The following SLC4A10 variants were observed in gnomAD, a reference collection of about 807,000 sequenced individuals.
SLC4A10 encodes sodium-driven chloride bicarbonate exchanger.
A neutral mutation model predicts 137.7 loss-of-function variants in SLC4A10; 42 were observed. That is an observed-to-expected ratio of 0.30 (90% confidence interval 0.24 to 0.39). SLC4A10 has a LOEUF of 0.39. Ranked by LOEUF, SLC4A10 falls within the 10% of genes least tolerant of loss-of-function variation. SLC4A10 has a pLI of 1.00. For missense variants in SLC4A10, 925 were observed against 1,355.0 expected (o/e 0.68, Z 4.98); for synonymous variants, 474 against 464.1 (o/e 1.02, Z -0.27).
intron 12 of SLC4A10, among the ~76,000 whole-genome samples, chr2:161,901,594 C>T (rs1181034520): frequency 6.6e-6 from 1 of 152,048 alleles, no homozygotes; most frequent in African/African-American, 2.4e-5. Flanking sequence ...TTGGGTGGGT[C>T]TCTCTTCAGG....
chr2:161,921,993 T>C lies in SLC4A10; in HGVS notation c.1997+16106T>C, dbSNP rs534455186. On this transcript the variant is annotated intron_variant, in intron 15 of 26. Coordinates refer to ENST00000446997, the MANE Select transcript of SLC4A10 (RefSeq NM_001178015.2). Reference sequence around the variant, plus strand: ...GCCTGCTATGGGCCAGGTGCTTGCTTAAAAAAAATGAATGCATAGACAGGA... The same window carrying C: ...GCCTGCTATGGGCCAGGTGCTTGCTCAAAAAAAATGAATGCATAGACAGGA... 3.3e-5 allele frequency among the ~76,000 whole-genome samples: 5 copies of C among 152,104 alleles called. No individual in the cohort carries two copies. The South Asian group carries it at 1.0e-3, about 32-fold the overall frequency.
intron 1 of SLC4A10, among the ~76,000 whole-genome samples, chr2:161,650,448 C>A (rs994901074): frequency 6.6e-6 from 1 of 152,190 alleles, no homozygotes; most frequent in Non-Finnish European, 1.5e-5. Context: ...GTCATGGAGC[C>A]AGCGGGGGCT....
intron 1 of SLC4A10, among the ~76,000 whole-genome samples, chr2:161,725,147 G>A (rs1430462514): frequency 3.3e-5 from 5 of 152,182 alleles, no homozygotes; most frequent in Non-Finnish European, 5.9e-5. Flanking sequence ...GCTGAGGTAT[G>A]TAAGTATGGC....
chr2:161,638,560 A>C (rs2034797809), intron 1 of SLC4A10, among the ~76,000 whole-genome samples: 1 of 152,084 alleles, frequency 6.6e-6, no homozygotes, highest in Non-Finnish European at 1.5e-5. Flanking sequence ...AGGTAGTGTG[A>C]TACCTCTAGT....
At chr2:161,649,197 G>A (rs765159359) in intron 1 of SLC4A10, among the ~76,000 whole-genome samples, 23 of 151,994 alleles carry the variant, frequency 1.5e-4, no homozygotes, top group Non-Finnish European at 1.9e-4. Flanking sequence ...TGACACCACC[G>A]TTTCTACAAA....
chr2:161,684,844 GT>G (rs1306207129), intron 1 of SLC4A10, among the ~76,000 whole-genome samples: 1 of 152,102 alleles, frequency 6.6e-6, no homozygotes, highest in African/African-American at 2.4e-5. Context: ...TAAAACACAG[GT>G]TATGTCTTAC....
Position 161,924,250 on chromosome 2 carries a change from A to AT in SLC4A10, c.1997+18370dup, listed in dbSNP as rs1426957660. Among the ~76,000 whole-genome samples, 6 of 151,914 alleles carry AT rather than the reference A, an allele frequency of 3.9e-5. No individual in the cohort carries two copies. In the East Asian group the frequency reaches 5.8e-4, roughly 15 times the overall value. On this transcript the variant is annotated intron_variant, in intron 15 of 26. Coordinates refer to ENST00000446997, the MANE Select transcript of SLC4A10 (RefSeq NM_001178015.2). ...ATACAGAGGAAGACAGGAAAATGGG[A>AT]TTTTTTTCTCACATTTTTCTTGATT... is the stretch of plus-strand genomic sequence containing the variant.
At chr2:161,883,866 T>C (rs924755279) in intron 10 of SLC4A10, among the ~76,000 whole-genome samples, 2 of 152,208 alleles carry the variant, frequency 1.3e-5, no homozygotes, top group Admixed American at 6.6e-5. Flanking sequence ...ATCCAAATCA[T>C]TGGATTTAGG....
chr2:161,831,815 C>T (rs2125742955), intron 3 of SLC4A10, among the ~76,000 whole-genome samples: 1 of 152,162 alleles, frequency 6.6e-6, no homozygotes, highest in East Asian at 1.9e-4. Flanking sequence ...TCAATTTCAA[C>T]AAAAAGCTTT....
At chr2:161,695,302 A>C (rs1262189847) in intron 1 of SLC4A10, among the ~76,000 whole-genome samples, 1 of 150,898 alleles carries the variant, frequency 6.6e-6, no homozygotes, top group Non-Finnish European at 1.5e-5. Flanking sequence ...TTACAAATCA[A>C]CTCTTTTTGC....
intron 21 of SLC4A10, among the ~76,000 whole-genome samples, chr2:161,963,778 G>A (rs1424694832): frequency 6.6e-6 from 1 of 152,142 alleles, no homozygotes; most frequent in East Asian, 1.9e-4. Flanking sequence ...ATGTTGAGGG[G>A]CAAATAAAGG....
chr2:161,722,778 T>C (rs2045824305), intron 1 of SLC4A10, among the ~76,000 whole-genome samples: 1 of 152,188 alleles, frequency 6.6e-6, no homozygotes, highest in Non-Finnish European at 1.5e-5. Context: ...CAGGAAAGAC[T>C]AAGTCCACTG....
chr2:161,966,019 A>G (rs1004796510), intron 23 of SLC4A10, among the ~76,000 whole-genome samples: 9 of 152,210 alleles, frequency 5.9e-5, no homozygotes, highest in South Asian at 2.1e-4. Flanking sequence ...ATTTTTCTCT[A>G]TAAGTAGTCA....
intron 23 of SLC4A10, among the ~76,000 whole-genome samples, chr2:161,970,796 A>G (rs1184393205): frequency 6.6e-6 from 1 of 152,234 alleles, no homozygotes; most frequent in African/African-American, 2.4e-5. Context: ...GCTATCACTA[A>G]ATACAATTCA....
At chr2:161,911,411 C>T (rs964941598) in intron 15 of SLC4A10, among the ~76,000 whole-genome samples, 2 of 151,660 alleles carry the variant, frequency 1.3e-5, no homozygotes, top group Non-Finnish European at 2.9e-5. Flanking sequence ...CAATTTATAG[C>T]GGAACTCCCA....
chr2:161,810,393 CT>C (rs879245034), intron 3 of SLC4A10, among the ~76,000 whole-genome samples: 1 of 151,996 alleles, frequency 6.6e-6, no homozygotes, highest in Non-Finnish European at 1.5e-5. Context: ...CTAGGTCTTC[CT>C]ATACTATGTT....
intron 13 of SLC4A10, among the ~76,000 whole-genome samples, chr2:161,904,529 A>G (rs1454134259): frequency 6.6e-6 from 1 of 152,092 alleles, no homozygotes; most frequent in African/African-American, 2.4e-5. Flanking sequence ...ATACATTTAA[A>G]CCTTTTGTAA....
chr2:161,811,308 A>G (rs1459803556), intron 3 of SLC4A10, among the ~76,000 whole-genome samples: 1 of 151,996 alleles, frequency 6.6e-6, no homozygotes, highest in African/African-American at 2.4e-5. Flanking sequence ...CTTTCAAAAA[A>G]CAAACTCTGT....
chr2:161,695,918 AT>A (rs1290972858), intron 1 of SLC4A10, among the ~76,000 whole-genome samples: 1 of 151,912 alleles, frequency 6.6e-6, no homozygotes, highest in African/African-American at 2.4e-5. Flanking sequence ...TTTCTTTTTT[AT>A]TTTTTTATTA....
Sources: allele counts gnomAD v4.1 joint callset (sites outside exome capture counted in the v4.1 genomes callset), GRCh38; gene constraint gnomAD v4.1.1; transcripts MANE v1.5; gene names NCBI Gene and HGNC (gene_info 2026-07-23, HGNC 2026-07-21).